The following GCLC variants were observed in gnomAD, a reference collection of about 807,000 sequenced individuals.
The protein encoded by GCLC is glutamate--cysteine ligase catalytic subunit.
In GCLC, 30 loss-of-function variants were observed where a neutral mutation model predicts 81.5. The ratio of observed to expected loss-of-function variants is 0.37; its 90% CI spans 0.28 to 0.50. GCLC has a LOEUF of 0.50. Among genes scored for constraint, GCLC ranks in the 20% least tolerant of loss-of-function variants. GCLC has a pLI of 0.96. For synonymous variants in GCLC, 262 were observed against 273.3 expected, an observed-to-expected ratio of 0.96 and a Z score of 0.41; for missense variants, 556 against 777.4, an observed-to-expected ratio of 0.72 and a Z score of 3.39.
At chr6:53,505,688 C>A in intron 11 of GCLC, 115 bp downstream of exon 11, 1 of 778,344 alleles carries the variant, frequency 1.3e-6, no homozygotes, top group Non-Finnish European at 2.3e-6. Flanking sequence ...CTACCATGCA[C>A]ATACTTAATT....
intron 12 of GCLC, among the ~76,000 whole-genome samples, chr6:53,501,776 TTAA>T (rs1764518352): frequency 1.3e-5 from 2 of 152,364 alleles, no homozygotes; most frequent in Admixed American, 1.3e-4. Context: ...GCTTTCATTA[TTAA>T]TATTTGTTTC....
At chr6:53,501,783 T>C (rs4715403) in intron 12 of GCLC, among the ~76,000 whole-genome samples, 5,324 of 152,310 alleles carry the variant, frequency 0.035, 244 homozygotes, top group East Asian at 0.18. Context: ...TTATTAATAT[T>C]TGTTTCTTTT....
intron 8 of GCLC, among the ~76,000 whole-genome samples, chr6:53,508,154 A>G (rs2127621128): frequency 6.6e-6 from 1 of 152,266 alleles, no homozygotes; most frequent in East Asian, 1.9e-4. Flanking sequence ...AAAGATTTCC[A>G]TGGGTGGTTC....
At chr6:53,543,783 T>A (rs756764140) in intron 1 of GCLC, among the ~76,000 whole-genome samples, 1 of 150,246 alleles carries the variant, frequency 6.7e-6, no homozygotes, top group Non-Finnish European at 1.5e-5. Flanking sequence ...AGACATTTCA[T>A]CTCTAGGCAG....
At chr6:53,537,340 T>G (rs555879594) in intron 1 of GCLC, among the ~76,000 whole-genome samples, 29 of 152,322 alleles carry the variant, frequency 1.9e-4, no homozygotes, top group South Asian at 6.2e-4. Flanking sequence ...CTAAAAAAGA[T>G]AGAGAGATGC....
rs1487591051 is a variant in GCLC at position 53,523,554 on chromosome 6, A to C, written c.151-1027T>G. 2.0e-5 allele frequency among the ~76,000 whole-genome samples: 3 copies of C among 152,316 alleles called. No individual in the cohort carries two copies. In the East Asian group the frequency reaches 5.8e-4, roughly 29 times the overall value. ...GGCAACCGTATATCCACTATTTCCC[A>C]GATATTTCACATGTAAATCTAGGTT... On this transcript the variant is annotated intron_variant, in intron 1 of 15. Coordinates refer to ENST00000650454, the MANE Select transcript of GCLC (RefSeq NM_001498.4).
chr6:53,511,710 T>C (rs1764746901), intron 6 of GCLC, among the ~76,000 whole-genome samples: 1 of 150,166 alleles, frequency 6.7e-6, no homozygotes, highest in African/African-American at 2.5e-5. Context: ...TAAAAAGCTA[T>C]GAATACATGA....
At chr6:53,510,540 T>C (rs1399824866) in intron 6 of GCLC, 2 of 152,108 alleles carry the variant, frequency 1.3e-5, no homozygotes, top group African/African-American at 2.4e-5. Context: ...TAACTGCAAG[T>C]TGGGAACAGT....
intron 3 of GCLC, among the ~76,000 whole-genome samples, chr6:53,517,984 T>G (rs1762910866): frequency 6.6e-6 from 1 of 152,188 alleles, no homozygotes; most frequent in Non-Finnish European, 1.5e-5. Context: ...GTCACCCTGT[T>G]TACACTTAAG....
chr6:53,535,242 C>T (rs1213433599), intron 1 of GCLC, among the ~76,000 whole-genome samples: 2 of 152,190 alleles, frequency 1.3e-5, no homozygotes, highest in Non-Finnish European at 2.9e-5. Context: ...AGGCCAAGCA[C>T]AGTGGCTTAA....
intron 2 of GCLC, among the ~76,000 whole-genome samples, chr6:53,521,359 T>C (rs531228347): frequency 6.6e-6 from 1 of 152,164 alleles, no homozygotes; most frequent in Non-Finnish European, 1.5e-5. Context: ...TTCACCGTGT[T>C]AGCCAGGCTG....
intron 2 of GCLC, among the ~76,000 whole-genome samples, chr6:53,522,167 C>G (rs955591723): frequency 6.6e-6 from 1 of 152,114 alleles, no homozygotes; most frequent in Non-Finnish European, 1.5e-5. Context: ...ATTCCAACAC[C>G]TTAGGTAGGT....
At position 53,506,045 on chromosome 6, in the gene GCLC, T is replaced by C; in HGVS notation, c.1198-150A>G. The C allele has an allele frequency of 1.5e-6, 1 of 671,924 alleles. No individual in the cohort carries two copies. The highest frequency in any genetic ancestry group is 1.6e-5 in the South Asian group (1 of 64,374). 41.6% of individuals were successfully genotyped at this position (671,924 alleles called of 1,614,324 possible). ...CAAAAAGGTACAATTGAAGATTTTC[T>C]TCGAGTGTGCTCTTTTAGGAAAACA... On this transcript the variant is annotated intron_variant, in intron 10 of 15. Coordinates refer to ENST00000650454, the MANE Select transcript of GCLC (RefSeq NM_001498.4). This position sits in a 1 kb window ranked among gnomAD's most constrained non-coding sequence, Gnocchi z 4.0.
chr6:53,528,147 A>G (rs557077416), intron 1 of GCLC, among the ~76,000 whole-genome samples: 22 of 152,330 alleles, frequency 1.4e-4, no homozygotes, highest in Middle Eastern at 3.4e-3. Context: ...TAATTTTTAA[A>G]CACCCACAGT....
Position 53,498,690 on chromosome 6 carries a change from G to T in GCLC, c.*66C>A. 3.7e-6 allele frequency: 1 copy of T among 267,484 alleles called. No individual in the cohort carries two copies. The highest frequency in any genetic ancestry group is 5.2e-6 in the Non-Finnish European group (1 of 192,460). 16.6% of individuals were successfully genotyped at this position (267,484 alleles called of 1,614,324 possible). The stretch of plus-strand genomic sequence containing the variant: ...ATTTGGTCTTCATATTATACACACG[G>T]GCTGGCTGAGAGGCATGGTACTGTA... On this transcript the variant is annotated 3_prime_UTR_variant, in exon 16 of 16. Coordinates refer to ENST00000650454, the MANE Select transcript of GCLC (RefSeq NM_001498.4).
intron 14 of GCLC, 23 bp downstream of exon 14, chr6:53,500,224 A>T (rs762144714): frequency 1.2e-6 from 2 of 1,612,872 alleles, no homozygotes; most frequent in Admixed American, 3.3e-5. Context: ...AGTGAGGGGT[A>T]CTGTACAGGG....
At chr6:53,537,684 A>G (rs1028567103) in intron 1 of GCLC, among the ~76,000 whole-genome samples, 6 of 151,860 alleles carry the variant, frequency 4.0e-5, no homozygotes, top group African/African-American at 1.4e-4. Context: ...TACAATAAAA[A>G]ATTACTGTTA....
At chr6:53,505,659 C>A in intron 11 of GCLC, 144 bp downstream of exon 11, 1 of 748,226 alleles carries the variant, frequency 1.3e-6, no homozygotes, top group Non-Finnish European at 2.4e-6. Flanking sequence ...ATCAACCCTC[C>A]TTAACTTGGA....
In GCLC at chr6:53,500,670, T is replaced by A. The variant is rs1375668169; in HGVS notation, c.1396-157A>T. On this transcript the variant is annotated intron_variant, in intron 12 of 15. Coordinates refer to ENST00000650454, the MANE Select transcript of GCLC (RefSeq NM_001498.4). Reference sequence around the variant, plus strand: ...GTGGGAGGAACAGGCTTTTTATTTATGTGAGGACTGTATCACTCAATCATG... The same window carrying A: ...GTGGGAGGAACAGGCTTTTTATTTAAGTGAGGACTGTATCACTCAATCATG... The A allele has an allele frequency of 4.5e-6, 3 of 669,550 alleles. No individual in the cohort carries two copies. In the South Asian group the frequency reaches 5.0e-5, roughly 11 times the overall value. 41.5% of individuals were successfully genotyped at this position (669,550 alleles called of 1,614,324 possible). A position where few individuals can be genotyped will look rare whatever the true frequency, so the allele number is the denominator to read the frequency against.
Sources: gnomAD v4.1 joint callset for allele counts (sites outside exome capture counted in the v4.1 genomes callset) on GRCh38, gnomAD v4.1.1 for gene constraint, Gnocchi (gnomAD v3.1) non-coding constraint, MANE v1.5 for transcripts, NCBI Gene and HGNC (gene_info 2026-07-23, HGNC 2026-07-21) for gene names.